Variants in ERBB4 observed in about 807,000 individuals in gnomAD.
The protein encoded by ERBB4 is erb-b2 receptor tyrosine kinase 4.
A neutral mutation model predicts 158.0 loss-of-function variants in ERBB4; 42 were observed. The observed-to-expected ratio is 0.27, with a 90% CI of 0.21 to 0.34. The LOEUF (loss-of-function observed/expected upper bound fraction) is 0.34. Ranked by LOEUF, ERBB4 falls within the 10% of genes least tolerant of loss-of-function variation. The probability of loss-of-function intolerance (pLI) is 1.00; values close to 1 mark genes in which losing one functional copy is unlikely to be tolerated. For missense variants in ERBB4, 1,333 were observed against 1,624.1 expected, an observed-to-expected ratio of 0.82 and a Z score of 3.08; for synonymous variants, 583 against 558.7, an observed-to-expected ratio of 1.04 and a Z score of -0.61.
chr2:212,445,358 T>C (rs1256743737), intron 1 of ERBB4, among the ~76,000 whole-genome samples: 1 of 152,032 alleles, frequency 6.6e-6, no homozygotes, highest in African/African-American at 2.4e-5. Flanking sequence ...ACTAGCAAAA[T>C]TTTTGCTTCC....
At chr2:212,012,480 A>G (rs977664636) in intron 2 of ERBB4, among the ~76,000 whole-genome samples, 1 of 147,116 alleles carries the variant, frequency 6.8e-6, no homozygotes, top group African/African-American at 2.5e-5. Context: ...GCGGTGGCGC[A>G]ATCTCAGCTC....
In ERBB4 at chr2:211,758,109, A is replaced by G. The variant is rs138867033; in HGVS notation, c.557-7405T>C. ...TCACTTACACGTACAAGCTCATGTG[A>G]TTGTAAGAAGGACTAACAGTTAGAA... On this transcript the variant is annotated intron_variant, in intron 4 of 27. Coordinates refer to ENST00000342788, the MANE Select transcript of ERBB4 (RefSeq NM_005235.3). 7.0e-4 allele frequency among the ~76,000 whole-genome samples: 107 copies of G among 152,354 alleles called. 2 individuals carry two copies. Among genetic ancestry groups the G allele is most frequent in the African/African-American group, 2.4e-3 (100 of 41,588 alleles).
intron 3 of ERBB4, among the ~76,000 whole-genome samples, chr2:211,939,104 A>G (rs750579543): frequency 1.1e-4 from 17 of 152,184 alleles, no homozygotes; most frequent in Non-Finnish European, 2.5e-4. Flanking sequence ...GTATTATATA[A>G]TGATCAAAAC....
intron 5 of ERBB4, among the ~76,000 whole-genome samples, chr2:211,749,957 AGTTTCATGAAAGTTC>A (rs2075080914): frequency 6.6e-6 from 1 of 152,084 alleles, no homozygotes; most frequent in Non-Finnish European, 1.5e-5. Flanking sequence ...TTTATTCTTA[AGTTTCATGAAAGTTC>A]AGTGCTGGTT....
At chr2:212,091,744 G>T (rs1048616711) in intron 2 of ERBB4, among the ~76,000 whole-genome samples, 1 of 151,972 alleles carries the variant, frequency 6.6e-6, no homozygotes, top group Non-Finnish European at 1.5e-5. Flanking sequence ...TTTTAGATTG[G>T]GAAATTATAA....
intron 3 of ERBB4, among the ~76,000 whole-genome samples, chr2:211,859,972 A>G (rs2077970661): frequency 6.6e-6 from 1 of 152,196 alleles, no homozygotes; most frequent in Non-Finnish European, 1.5e-5. Context: ...ACAAAGAAAA[A>G]TTGTTAATGC....
intron 4 of ERBB4, among the ~76,000 whole-genome samples, chr2:211,763,161 A>G (rs148519028): frequency 6.6e-6 from 1 of 152,222 alleles, no homozygotes; most frequent in East Asian, 1.9e-4. Flanking sequence ...GACTATGAAT[A>G]TTCCCATATT....
rs770600828 is a variant in ERBB4, at chr2:211,725,206, A to G, written c.623-12T>C. The G allele has an allele frequency of 1.3e-5, 20 of 1,593,046 alleles. No individual in the cohort carries two copies. Among genetic ancestry groups the G allele is most frequent in the Non-Finnish European group, 1.6e-5 (19 of 1,160,904 alleles). On this transcript the variant is annotated splice_polypyrimidine_tract_variant and intron_variant, in intron 5 of 27. Coordinates refer to ENST00000342788, the MANE Select transcript of ERBB4 (RefSeq NM_005235.3). ...CACCGTCCTTGTCACTGCAGAAGACAGAGATAGGACCATGATCAAAGTCTG... is the reference window on the plus strand; with the variant it reads ...CACCGTCCTTGTCACTGCAGAAGACGGAGATAGGACCATGATCAAAGTCTG...
In ERBB4 at chr2:212,095,006, G is replaced by GT. The variant is rs1362172195; in HGVS notation, c.234+29745dup. On this transcript the variant is annotated intron_variant, in intron 2 of 27. Coordinates refer to ENST00000342788, the MANE Select transcript of ERBB4 (RefSeq NM_005235.3). The stretch of plus-strand genomic sequence containing the variant: ...GCACAATTACTAAGTTTCTGATACT[G>GT]TTTTTTTTTCTTTTCTACGTAAACA... Among the ~76,000 whole-genome samples, 33 of 151,006 alleles carry GT rather than the reference G, an allele frequency of 2.2e-4. No individual in the cohort carries two copies. The East Asian group carries it at 2.3e-3, about 11-fold the overall frequency.
chr2:211,846,052 G>GTTTTTT (rs5838288), intron 3 of ERBB4, among the ~76,000 whole-genome samples: 2 of 145,666 alleles, frequency 1.4e-5, no homozygotes, highest in Non-Finnish European at 3.0e-5. Flanking sequence ...GTTAATTGTT[G>GTTTTTT]TTTTTTTTTT....
At chr2:211,570,791 G>T (rs10497947) in intron 19 of ERBB4, among the ~76,000 whole-genome samples, 108,033 of 151,926 alleles carry the variant, frequency 0.71, 40,069 homozygotes, top group East Asian at 0.89. Flanking sequence ...ATTTCTTCAT[G>T]TTATCCTCCT....
At chr2:212,137,698 G>A (rs964271819) in intron 1 of ERBB4, among the ~76,000 whole-genome samples, 2 of 152,070 alleles carry the variant, frequency 1.3e-5, no homozygotes, top group East Asian at 1.9e-4. Flanking sequence ...CCAGTAATGC[G>A]ATTGCTGGAT....
At chr2:211,557,801 T>G (rs2067278758) in intron 20 of ERBB4, among the ~76,000 whole-genome samples, 1 of 152,148 alleles carries the variant, frequency 6.6e-6, no homozygotes, top group African/African-American at 2.4e-5. Flanking sequence ...AACTCTATTA[T>G]AAAGACACAT....
intron 12 of ERBB4, among the ~76,000 whole-genome samples, chr2:211,695,644 CATA>C (rs2072988926): frequency 6.6e-6 from 1 of 152,066 alleles, no homozygotes; most frequent in African/African-American, 2.4e-5. Flanking sequence ...CTGTTAATAA[CATA>C]ATAACTAATA....
At position 212,472,569 on chromosome 2, in the gene ERBB4, A is replaced by C. The variant is rs796667398; in HGVS notation, c.82+65880T>G. On this transcript the variant is annotated intron_variant, in intron 1 of 27. Coordinates refer to ENST00000342788, the MANE Select transcript of ERBB4 (RefSeq NM_005235.3). ...ACCTACCTTAAGTAATTCTTAATGA[A>C]GGCAAATGCAGAGAGGTAGAAAGTA... 9.2e-5 allele frequency among the ~76,000 whole-genome samples: 14 copies of C among 151,996 alleles called. 1 individual carries two copies. Among genetic ancestry groups the C allele is most frequent in the African/African-American group, 3.4e-4 (14 of 41,564 alleles).
At chr2:212,377,827 G>GT (rs1269060679) in intron 1 of ERBB4, among the ~76,000 whole-genome samples, 1 of 151,848 alleles carries the variant, frequency 6.6e-6, no homozygotes, top group Non-Finnish European at 1.5e-5. Flanking sequence ...TACTTCATAA[G>GT]TTTTTTAATT....
intron 2 of ERBB4, among the ~76,000 whole-genome samples, chr2:212,037,663 C>G (rs2077046584): frequency 6.6e-6 from 1 of 152,108 alleles, no homozygotes; most frequent in Non-Finnish European, 1.5e-5. Flanking sequence ...ACAAACATGT[C>G]TTTGTATTTT....
intron 20 of ERBB4, among the ~76,000 whole-genome samples, chr2:211,537,036 G>C (rs1032347637): frequency 3.3e-5 from 5 of 150,710 alleles, no homozygotes; most frequent in African/African-American, 1.2e-4. Flanking sequence ...ATTCTAAAGA[G>C]AGAATACTGC....
At chr2:212,340,814 T>C (rs1190389318) in intron 1 of ERBB4, among the ~76,000 whole-genome samples, 2 of 152,144 alleles carry the variant, frequency 1.3e-5, no homozygotes, top group Admixed American at 6.5e-5. Context: ...CCCTGTTCTA[T>C]AGCTAAAATC....
Sources: allele counts gnomAD v4.1 joint callset (sites outside exome capture counted in the v4.1 genomes callset), GRCh38; gene constraint gnomAD v4.1.1; transcripts MANE v1.5; gene names NCBI Gene and HGNC (gene_info 2026-07-23, HGNC 2026-07-21).